CEP76: variants seen among roughly 807,000 people sequenced by gnomAD.
The protein encoded by CEP76 is centrosomal protein 76.
Under a neutral mutation model 83.3 loss-of-function variants are expected in CEP76, and 55 were observed. The observed-to-expected ratio is 0.66, with a 90% CI of 0.53 to 0.83. The LOEUF (loss-of-function observed/expected upper bound fraction) is 0.83. Among genes scored for constraint, CEP76 ranks in the 40% least tolerant of loss-of-function variants. The pLI is 0.00. For synonymous variants in CEP76, 270 were observed against 274.5 expected, an observed-to-expected ratio of 0.98 and a Z score of 0.16; for missense variants, 694 against 799.5, an observed-to-expected ratio of 0.87 and a Z score of 1.59.
chr18:12,694,663 G>A (rs1030558602), intron 6 of CEP76, among the ~76,000 whole-genome samples: 1 of 152,138 alleles, frequency 6.6e-6, no homozygotes, highest in African/African-American at 2.4e-5. Context: ...ATCCCACTGA[G>A]GTTGCACTTT....
At chr18:12,664,491 A>G (rs904119129) in intron 12 of CEP76, among the ~76,000 whole-genome samples, 9 of 151,752 alleles carry the variant, frequency 5.9e-5, no homozygotes, top group Non-Finnish European at 1.2e-4. Flanking sequence ...CAGAGATCGC[A>G]GTGAGCCAAG....
Position 12,691,490 on chromosome 18 carries a change from T to C in CEP76, c.805-3A>G. ...GTTTTCTGACGTTCCAAAGCAAGCTTGAAATTGAAAAAAATATTTTTCAAT... is the reference window on the plus strand; with the variant it reads ...GTTTTCTGACGTTCCAAAGCAAGCTCGAAATTGAAAAAAATATTTTTCAAT... On this transcript the variant is annotated splice_region_variant and splice_polypyrimidine_tract_variant and intron_variant, in intron 6 of 11. Transcript: ENST00000262127. The C allele has an allele frequency of 6.3e-7, 1 of 1,577,544 alleles. No individual in the cohort carries two copies. The highest frequency in any genetic ancestry group is 8.6e-7 in the Non-Finnish European group (1 of 1,166,150).
In CEP76 at chr18:12,691,424, A is replaced by G. The variant is rs2039758822; in HGVS notation, c.868T>C (p.Trp290Arg). 6.2e-7 allele frequency: 1 copy of G among 1,609,410 alleles called. No individual in the cohort carries two copies. Among genetic ancestry groups the G allele is most frequent in the African/African-American group, 1.3e-5 (1 of 74,976 alleles). ...ERLFLVYAKQ[W>R]WREYLQIRPS... ...CGAATTTGCAAATATTCTCTCCACC[A>G]CTGCTTAGCATATACAAGAAATAAT... is the stretch of plus-strand genomic sequence containing the variant. Residue 290 changes from tryptophan to arginine, a missense_variant, in exon 7 of 12, where the codon TGG becomes CGG. By Grantham distance (101) the Trp-to-Arg change is moderately radical. Coordinates refer to ENST00000262127, the MANE Select transcript of CEP76 (RefSeq NM_024899.4).
chr18:12,700,822 C>G, intron 2 of CEP76, 136 bp downstream of exon 2: 1 of 609,452 alleles, frequency 1.6e-6, no homozygotes, highest in Non-Finnish European at 2.8e-6. Flanking sequence ...ATACTTGAAA[C>G]AAGGACACTA....
intron 6 of CEP76, among the ~76,000 whole-genome samples, chr18:12,692,583 C>T (rs766560924): frequency 2.0e-5 from 3 of 152,144 alleles, no homozygotes; most frequent in South Asian, 2.1e-4. Context: ...CTTAGTCACT[C>T]GACCTATAAT....
At chr18:12,669,440 A>G (rs2038884617), downstream of CEP76, among the ~76,000 whole-genome samples, 1 of 151,862 alleles carries the variant, frequency 6.6e-6, no homozygotes, top group Non-Finnish European at 1.5e-5. Context: ...CAGAGATGCC[A>G]TCTCACTATG....
intron 7 of CEP76, among the ~76,000 whole-genome samples, chr18:12,690,518 C>A (rs558876904): frequency 1.0e-3 from 154 of 151,358 alleles, no homozygotes; most frequent in Admixed American, 1.8e-3. Context: ...TGCAGTGGTG[C>A]GATCTCGGCT....
rs1331514489 is a variant in CEP76 at position 12,699,063 on chromosome 18, G to A, written c.436C>T (p.Arg146Cys). ...CATGGAACAGGTTTAGAACGAAAAC[G>A]TTGGTTTCGATAATGTAAACATAAA... Reference protein sequence around the residue: ...FTLCLHYRNQRFRSKPVPCAC... With the variant: ...FTLCLHYRNQCFRSKPVPCAC... Residue 146 changes from arginine to cysteine, a missense_variant, in exon 4 of 12, where the codon CGT (arginine) becomes TGT (cysteine). Arg to Cys is a radical substitution (Grantham distance 180). Coordinates refer to ENST00000262127, the MANE Select transcript of CEP76 (RefSeq NM_024899.4). 4 of 1,613,942 alleles carry A rather than the reference G, an allele frequency of 2.5e-6. No homozygotes were observed. The highest frequency in any genetic ancestry group is 3.4e-6 in the Non-Finnish European group (4 of 1,179,904).
rs1450430969 is a variant in CEP76 at position 12,692,690 on chromosome 18, TCCTG to T, written c.805-1207_805-1204del. ...ATTTTGTTTGCTGACTTATTGTTTC[TCCTG>T]CACTAGAATCTAAACTCCTTGAGAG... On this transcript the variant is annotated intron_variant, in intron 6 of 11. Coordinates refer to ENST00000262127, the MANE Select transcript of CEP76 (RefSeq NM_024899.4). Among the ~76,000 whole-genome samples, 12 of 152,366 alleles carry T rather than the reference TCCTG, an allele frequency of 7.9e-5. 1 individual carries two copies. The South Asian group carries it at 2.5e-3, about 32-fold the overall frequency.
chr18:12,668,582 A>C (rs2038852722), downstream of CEP76, among the ~76,000 whole-genome samples: 2 of 131,118 alleles, frequency 1.5e-5, no homozygotes, highest in Admixed American at 8.2e-5. Context: ...TGGGAGACAG[A>C]GTAAGATTCC....
chr18:12,699,247 T>A, intron 3 of CEP76, 44 bp from the exon 4 acceptor site: 1 of 1,294,960 alleles, frequency 7.7e-7, no homozygotes, highest in Non-Finnish European at 1.1e-6. Context: ...CCAAATAACT[T>A]AAAAGAATGT....
intron 10 of CEP76, among the ~76,000 whole-genome samples, chr18:12,677,648 G>A (rs2039191625): frequency 6.6e-6 from 1 of 151,914 alleles, no homozygotes; most frequent in Non-Finnish European, 1.5e-5. Flanking sequence ...TAATAGAGAT[G>A]ATGTTTCACC....
chr18:12,664,035 A>G (rs1232646183), intron 12 of CEP76, among the ~76,000 whole-genome samples: 2 of 152,220 alleles, frequency 1.3e-5, no homozygotes, highest in African/African-American at 2.4e-5. Flanking sequence ...ATGGTGGTGC[A>G]TGCCTGTAAT....
chr18:12,680,678 T>A lies in CEP76; in HGVS notation c.1273A>T (p.Ser425Cys). Reference sequence around the variant, plus strand: ...TAAACTAACCTGTGTCCTGTTAAACTCTCCCAAAAAGTGATGGCCCCATCA... The same window carrying A: ...TAAACTAACCTGTGTCCTGTTAAACACTCCCAAAAAGTGATGGCCCCATCA... ...GTDGAITFWE[S>C]LTGHRYIHKP... The change falls in exon 9 of 12, where the codon AGT (serine) becomes TGT (cysteine). Residue 425 changes from serine to cysteine, a missense_variant. Coordinates refer to ENST00000262127, the MANE Select transcript of CEP76 (RefSeq NM_024899.4). 6.2e-7 allele frequency: 1 copy of A among 1,609,446 alleles called. No individual in the cohort carries two copies. Among genetic ancestry groups the A allele is most frequent in the Non-Finnish European group, 8.5e-7 (1 of 1,178,154 alleles).
intron 1 of CEP76, among the ~76,000 whole-genome samples, chr18:12,702,009 C>T (rs1366214321): frequency 6.6e-6 from 1 of 152,154 alleles, no homozygotes; most frequent in Non-Finnish European, 1.5e-5. Context: ...CGCCTGTAAT[C>T]CCAGCTACTC....
At chr18:12,662,894 C>G (rs1045003810) in intron 12 of CEP76, among the ~76,000 whole-genome samples, 1 of 152,164 alleles carries the variant, frequency 6.6e-6, no homozygotes, top group Admixed American at 6.6e-5. Context: ...AAGCAATAAT[C>G]ACGTTTCACC....
In CEP76 at chr18:12,702,623, G is replaced by T. The variant is rs1296624875; in HGVS notation, c.-75C>A. On this transcript the variant is annotated 5_prime_UTR_variant, in exon 1 of 12. Transcript: ENST00000262127. ...ACTGCGCGGCCCCGGCCGGGCCAGG[G>T]AGCGTTAGGAGCGACTGGAGCACAA... 1.4e-6 allele frequency: 2 copies of T among 1,479,334 alleles called. No individual in the cohort carries two copies. The highest frequency in any genetic ancestry group is 5.1e-5 in the East Asian group (2 of 38,986). 91.6% of individuals were successfully genotyped at this position (1,479,334 alleles called of 1,614,324 possible). A position where few individuals can be genotyped will look rare whatever the true frequency, so the allele number is the denominator to read the frequency against.
chr18:12,695,777 T>A (rs1382058364), intron 5 of CEP76, among the ~76,000 whole-genome samples: 2 of 152,054 alleles, frequency 1.3e-5, no homozygotes, highest in African/African-American at 4.8e-5. Context: ...ATTTTTGTCT[T>A]AATTAAATGT....
At chr18:12,701,830 G>A (rs2145120681) in intron 1 of CEP76, among the ~76,000 whole-genome samples, 1 of 152,326 alleles carries the variant, frequency 6.6e-6, no homozygotes, top group East Asian at 1.9e-4. Context: ...TGTTTCAGCG[G>A]TAAAGAAACC....
Sources: allele counts gnomAD v4.1 joint callset (sites outside exome capture counted in the v4.1 genomes callset), GRCh38; gene constraint gnomAD v4.1.1; transcripts MANE v1.5; gene names NCBI Gene and HGNC (gene_info 2026-07-23, HGNC 2026-07-21).